The following IBTK variants were observed in gnomAD, a reference collection of about 807,000 sequenced individuals.
The protein encoded by IBTK is inhibitor of Bruton tyrosine kinase.
Under a neutral mutation model 154.9 loss-of-function variants are expected in IBTK, and 83 were observed. The ratio of observed to expected loss-of-function variants is 0.54; its 90% confidence interval spans 0.45 to 0.64. IBTK has a LOEUF of 0.64. Ranked by LOEUF, IBTK falls within the 30% of genes least tolerant of loss-of-function variation. The pLI, the probability that IBTK is intolerant of heterozygous loss-of-function variation, is 0.00. For synonymous variants in IBTK, 515 were observed against 536.1 expected (o/e 0.96, Z 0.54); for missense variants, 1,332 against 1,584.6 (o/e 0.84, Z 2.71).
intron 16 of IBTK, among the ~76,000 whole-genome samples, chr6:82,209,419 T>C (rs1280693685): frequency 1.3e-5 from 2 of 152,222 alleles, no homozygotes; most frequent in African/African-American, 4.8e-5. Context: ...ACAACACAGA[T>C]AAATTTTTAA....
At chr6:82,218,224 C>T (rs578051589) in intron 9 of IBTK, 87 bp from the exon 10 acceptor site, 2 of 928,094 alleles carry the variant, frequency 2.2e-6, no homozygotes, top group Non-Finnish European at 3.0e-6. Context: ...AGAGACAATG[C>T]TGTTAAAATA....
chr6:82,224,949 T>G (rs1431165136), intron 6 of IBTK, among the ~76,000 whole-genome samples: 1 of 152,192 alleles, frequency 6.6e-6, no homozygotes, highest in African/African-American at 2.4e-5. Context: ...CCAAGTGCTT[T>G]CTTTCTTACT....
intron 1 of IBTK, 57 bp from the exon 2 acceptor site, chr6:82,240,900 G>T: frequency 2.5e-6 from 1 of 403,774 alleles, no homozygotes; most frequent in South Asian, 1.2e-4. Context: ...CGCTCTCCTT[G>T]AGTACTTTAG....
chr6:82,192,101 T>G (rs16893980), intron 23 of IBTK, among the ~76,000 whole-genome samples: 6,603 of 152,178 alleles, frequency 0.043, 245 homozygotes, highest in South Asian at 0.095. Context: ...TTAAGTGATA[T>G]AGCACATATA....
intron 1 of IBTK, among the ~76,000 whole-genome samples, chr6:82,243,110 G>A (rs774103623): frequency 6.7e-5 from 10 of 148,358 alleles, no homozygotes; most frequent in South Asian, 2.1e-4. Flanking sequence ...GTGTGGTGGC[G>A]GGCGCCTGTA....
chr6:82,195,653 T>C (rs2127805197), intron 22 of IBTK, among the ~76,000 whole-genome samples: 1 of 152,306 alleles, frequency 6.6e-6, no homozygotes, highest in South Asian at 2.1e-4. Flanking sequence ...TGTTGTCTTA[T>C]GAATTCCTAG....
In IBTK at chr6:82,195,305, G is replaced by A. The variant is rs114779169; in HGVS notation, c.3175-663C>T. ...AAAAAATCAATCCTGGCGGGGTGTG[G>A]TTGCTCACATCTGTAATGCCAGGAC... On this transcript the variant is annotated intron_variant, in intron 22 of 28. Transcript: ENST00000306270. Among the ~76,000 whole-genome samples the A allele has an allele frequency of 6.6e-3, 1,002 of 152,108 alleles. 9 individuals are homozygous for A. Among genetic ancestry groups the A allele is most frequent in the African/African-American group, 0.023 (938 of 41,488 alleles).
intron 3 of IBTK, among the ~76,000 whole-genome samples, chr6:82,233,475 A>G (rs1291612331): frequency 6.6e-6 from 1 of 152,218 alleles, no homozygotes; most frequent in East Asian, 1.9e-4. Flanking sequence ...AGTTACAATT[A>G]TAACAGTCCT....
intron 2 of IBTK, among the ~76,000 whole-genome samples, chr6:82,235,545 G>C (rs1474870387): frequency 1.3e-5 from 2 of 152,018 alleles, no homozygotes; most frequent in Non-Finnish European, 2.9e-5. Context: ...AGTGAACCGA[G>C]ATCGCGCCAC....
At chr6:82,226,693 G>A (rs1582243450) in intron 5 of IBTK, among the ~76,000 whole-genome samples, 2 of 150,460 alleles carry the variant, frequency 1.3e-5, no homozygotes, top group Non-Finnish European at 1.5e-5. Context: ...CGCAACCTCC[G>A]CCTCCCAGGT....
At chr6:82,186,913 C>CTTTTTTTT (rs138781864) in intron 25 of IBTK, among the ~76,000 whole-genome samples, 1 of 103,676 alleles carries the variant, frequency 9.6e-6, no homozygotes, top group Non-Finnish European at 1.9e-5. Flanking sequence ...TTATCAAATT[C>CTTTTTTTT]TTTTTTTTTT....
intron 21 of IBTK, 33 bp from the exon 22 acceptor site, chr6:82,196,479 T>G: frequency 6.7e-7 from 1 of 1,485,656 alleles, no homozygotes; most frequent in Non-Finnish European, 9.2e-7. Flanking sequence ...ATTAAACACA[T>G]ATGCATTAAA....
Position 82,227,080 on chromosome 6 carries a change from T to C in IBTK, c.654+112A>G, listed in dbSNP as rs573834110. 6 of 611,718 alleles carry C rather than the reference T, an allele frequency of 9.8e-6. No individual in the cohort carries two copies. The Admixed American group carries it at 1.4e-4, about 14-fold the overall frequency. 37.9% of individuals were successfully genotyped at this position (611,718 alleles called of 1,614,324 possible). ...CAGATTTTTTAAAATCTATTATCAA[T>C]TGATGTATTATTTCGTCCTTACAGT... On this transcript the variant is annotated intron_variant, in intron 5 of 28. Transcript: ENST00000306270.
chr6:82,181,034 T>C (rs1200892653), intron 26 of IBTK, among the ~76,000 whole-genome samples: 1 of 152,228 alleles, frequency 6.6e-6, no homozygotes, highest in Non-Finnish European at 1.5e-5. Context: ...TTTTGATGTT[T>C]CATGTAGGCA....
In IBTK at chr6:82,224,151, A is replaced by C. The variant is rs753271943; in HGVS notation, c.860T>G (p.Ile287Ser). ...ATGAAACCTGCCTGCTGCAACGCCAATGATTGTCCTTCCTTTCAGATATTT... is the reference window on the plus strand; with the variant it reads ...ATGAAACCTGCCTGCTGCAACGCCACTGATTGTCCTTCCTTTCAGATATTT... ...QAKYLKGRTI[I>S]GVAAGRFHTV... The change falls in exon 7 of 29, where the codon ATT becomes AGT. Residue 287 changes from isoleucine (I) to serine (S), a missense_variant. Physicochemically the swap from Ile to Ser is moderately radical, Grantham distance 142. This residue lies in a region of IBTK where 1,134 missense variants were observed against 1,274.7 expected (regional missense o/e 0.89). Transcript: ENST00000306270. 6.2e-7 allele frequency: 1 copy of C among 1,613,960 alleles called. No individual in the cohort carries two copies. Among genetic ancestry groups the C allele is most frequent in the Non-Finnish European group, 8.5e-7 (1 of 1,179,928 alleles).
At chr6:82,190,320 G>A (rs1357523715) in intron 25 of IBTK, among the ~76,000 whole-genome samples, 1 of 151,542 alleles carries the variant, frequency 6.6e-6, no homozygotes, top group Non-Finnish European at 1.5e-5. Context: ...TAAACCATGG[G>A]TAGCTGCCAA....
chr6:82,174,635 C>A (rs891087238), intron 26 of IBTK, among the ~76,000 whole-genome samples: 3 of 152,070 alleles, frequency 2.0e-5, no homozygotes, highest in Non-Finnish European at 4.4e-5. Context: ...GTACAAAATG[C>A]ACTGAAAGCT....
In IBTK at chr6:82,200,530, C is replaced by G. The variant is rs4706938; in HGVS notation, c.2912+57G>C. ...TCCAAGATGAGAGTGAAGGGACACACTGGAGAAAAGAAGGAAGAAAAGGAG... is the reference window on the plus strand; with the variant it reads ...TCCAAGATGAGAGTGAAGGGACACAGTGGAGAAAAGAAGGAAGAAAAGGAG... On this transcript the variant is annotated intron_variant, in intron 20 of 28. Transcript: ENST00000306270. 645,637 of 1,375,944 alleles carry G rather than the reference C, an allele frequency of 0.47. 155,633 individuals are homozygous for G. Among genetic ancestry groups the G allele is most frequent in the East Asian group, 0.75 (29,531 of 39,356 alleles). The allele number at this position is 1,375,944 out of a possible 1,614,324, so 85.2% of individuals were successfully genotyped here.
chr6:82,247,036 G>A (rs555272120), intron 1 of IBTK, among the ~76,000 whole-genome samples: 21 of 151,802 alleles, frequency 1.4e-4, no homozygotes, highest in South Asian at 6.3e-4. Context: ...AAAAACAAAG[G>A]GCCTGTCTTC....
Sources: allele counts gnomAD v4.1 joint callset (sites outside exome capture counted in the v4.1 genomes callset), GRCh38; gene constraint gnomAD v4.1.1; regional missense constraint gnomAD v4.1.1; transcripts MANE v1.5; gene names NCBI Gene and HGNC (gene_info 2026-07-23, HGNC 2026-07-21).